The following ARHGAP15 variants were observed in gnomAD, a reference collection of about 807,000 sequenced individuals.
The protein encoded by ARHGAP15 is rho GTPase-activating protein 15.
In ARHGAP15, 51 loss-of-function variants were observed where a neutral mutation model predicts 63.7. The ratio of observed to expected loss-of-function variants is 0.80; its 90% CI spans 0.64 to 1.01. The LOEUF is 1.01. Among genes scored for constraint, ARHGAP15 ranks in the 50% least tolerant of loss-of-function variants. The pLI is 0.00. For missense variants in ARHGAP15, 560 were observed against 564.6 expected (o/e 0.99, Z 0.08); for synonymous variants, 191 against 193.8 (o/e 0.99, Z 0.12).
chr2:143,572,345 G>A (rs1696495273), intron 11 of ARHGAP15, among the ~76,000 whole-genome samples: 1 of 152,028 alleles, frequency 6.6e-6, no homozygotes, highest in Non-Finnish European at 1.5e-5. Flanking sequence ...GTAAGACACT[G>A]AGTCTTACTG....
chr2:143,133,106 G>A (rs1688977579), intron 1 of ARHGAP15, among the ~76,000 whole-genome samples: 1 of 152,186 alleles, frequency 6.6e-6, no homozygotes, highest in Admixed American at 6.5e-5. Context: ...AGAGAATTTT[G>A]TAAGTGTTGT....
chr2:143,473,108 A>G (rs1424802216), intron 8 of ARHGAP15, among the ~76,000 whole-genome samples: 2 of 152,120 alleles, frequency 1.3e-5, no homozygotes, highest in Non-Finnish European at 2.9e-5. Context: ...CATTCCAACA[A>G]CATTTTATTT....
intron 3 of ARHGAP15, among the ~76,000 whole-genome samples, chr2:143,206,540 G>T (rs1350874284): frequency 6.6e-6 from 1 of 151,990 alleles, no homozygotes; most frequent in Non-Finnish European, 1.5e-5. Context: ...GAATTAGATA[G>T]CCCTTCTTTG....
chr2:143,463,822 A>G (rs895692736), intron 8 of ARHGAP15, among the ~76,000 whole-genome samples: 2 of 152,200 alleles, frequency 1.3e-5, no homozygotes, highest in African/African-American at 2.4e-5. Context: ...TTGGTGTGTG[A>G]TTGAATGACT....
At chr2:143,215,259 C>T (rs1251015853) in intron 3 of ARHGAP15, among the ~76,000 whole-genome samples, 1 of 150,814 alleles carries the variant, frequency 6.6e-6, no homozygotes, top group Non-Finnish European at 1.5e-5. Flanking sequence ...AAGACGTGCA[C>T]ATTAAAATTT....
At chr2:143,328,733 TA>T (rs576639223) in intron 6 of ARHGAP15, among the ~76,000 whole-genome samples, 1 of 151,672 alleles carries the variant, frequency 6.6e-6, no homozygotes, top group African/African-American at 2.4e-5. Flanking sequence ...TAAAGTATAA[TA>T]AAAAAATAGG....
chr2:143,458,351 C>T lies in ARHGAP15; in HGVS notation c.703+21309C>T, dbSNP rs78211864. On this transcript the variant is annotated intron_variant, in intron 8 of 13. Transcript: ENST00000295095. ...CCGCTGTGTCTGCAGCTATAGTGAA[C>T]GGCATCAGGATGGTCTGAAGGCACT... Among the ~76,000 whole-genome samples, 435 of 152,230 alleles carry T rather than the reference C, an allele frequency of 2.9e-3. 2 individuals carry two copies. Among genetic ancestry groups the T allele is most frequent in the African/African-American group, 1.0e-2 (414 of 41,544 alleles).
At chr2:143,562,001 C>G (rs563683297) in intron 11 of ARHGAP15, among the ~76,000 whole-genome samples, 1 of 152,074 alleles carries the variant, frequency 6.6e-6, no homozygotes, top group South Asian at 2.1e-4. Flanking sequence ...AATTTATGGT[C>G]TCGTAGATAT....
intron 8 of ARHGAP15, among the ~76,000 whole-genome samples, chr2:143,462,188 T>A (rs1268542350): frequency 2.6e-5 from 4 of 152,076 alleles, no homozygotes; most frequent in African/African-American, 4.8e-5. Flanking sequence ...TATTACCAGG[T>A]GCACATGATA....
At chr2:143,156,138 G>A (rs1023445134) in intron 2 of ARHGAP15, among the ~76,000 whole-genome samples, 3 of 151,846 alleles carry the variant, frequency 2.0e-5, no homozygotes, top group Non-Finnish European at 4.4e-5. Flanking sequence ...TGGGCTTAAA[G>A]GATTGAAATG....
intron 6 of ARHGAP15, among the ~76,000 whole-genome samples, chr2:143,331,960 TTC>T (rs1402890646): frequency 6.6e-6 from 1 of 152,122 alleles, no homozygotes; most frequent in Non-Finnish European, 1.5e-5. Flanking sequence ...ATTTCTAGAG[TTC>T]TTTCTGTGCC....
At chr2:143,215,301 T>A (rs1309600683) in intron 3 of ARHGAP15, among the ~76,000 whole-genome samples, 1 of 152,164 alleles carries the variant, frequency 6.6e-6, no homozygotes, top group Non-Finnish European at 1.5e-5. Context: ...GATGGGGTTC[T>A]TGCTATTCTG....
At chr2:143,538,166 T>G (rs1272486135) in intron 10 of ARHGAP15, among the ~76,000 whole-genome samples, 3 of 152,194 alleles carry the variant, frequency 2.0e-5, no homozygotes, top group Non-Finnish European at 4.4e-5. Context: ...TCACTCATGA[T>G]TTGGCTCTCT....
chr2:143,308,218 A>G (rs1683266797), intron 6 of ARHGAP15, among the ~76,000 whole-genome samples: 1 of 152,050 alleles, frequency 6.6e-6, no homozygotes, highest in Non-Finnish European at 1.5e-5. Flanking sequence ...CCATAAATAG[A>G]CTTAAATCAT....
At chr2:143,202,926 A>G (rs1019340949) in intron 3 of ARHGAP15, among the ~76,000 whole-genome samples, 2 of 152,126 alleles carry the variant, frequency 1.3e-5, no homozygotes, top group African/African-American at 2.4e-5. Context: ...TATTATATAT[A>G]TCTTAAAAAC....
chr2:143,331,428 A>AGACTGTCCACTTT (rs1684542444), intron 6 of ARHGAP15, among the ~76,000 whole-genome samples: 2 of 152,148 alleles, frequency 1.3e-5, no homozygotes, highest in South Asian at 4.1e-4. Context: ...CTCCTTTACT[A>AGACTGTCCACTTT]GACTGTCCAC....
intron 4 of ARHGAP15, among the ~76,000 whole-genome samples, chr2:143,225,934 T>G (rs1693196728): frequency 6.6e-6 from 1 of 152,242 alleles, no homozygotes; most frequent in Non-Finnish European, 1.5e-5. Flanking sequence ...AGCATTATTA[T>G]TCTTCGTTTT....
rs937349958 is a variant in ARHGAP15 at position 143,353,548 on chromosome 2, A to T, written c.475-82053A>T. Among the ~76,000 whole-genome samples, 3 of 152,082 alleles carry T rather than the reference A, an allele frequency of 2.0e-5. No homozygotes were observed. The South Asian group carries it at 6.2e-4, about 32-fold the overall frequency. On this transcript the variant is annotated intron_variant, in intron 6 of 13. Transcript: ENST00000295095. Reference sequence around the variant, plus strand: ...ATTTTTAATTTTTTTTAGAATCTCAAAATTTTTACTCATTCAGTTAGATAA... The same window carrying T: ...ATTTTTAATTTTTTTTAGAATCTCATAATTTTTACTCATTCAGTTAGATAA...
chr2:143,715,470 C>T (rs1684769743), intron 13 of ARHGAP15, among the ~76,000 whole-genome samples: 1 of 152,198 alleles, frequency 6.6e-6, no homozygotes, highest in Non-Finnish European at 1.5e-5. Flanking sequence ...CAAGTTCTTC[C>T]TCTCAAGTTT....
Sources: gnomAD v4.1 joint callset for allele counts (sites outside exome capture counted in the v4.1 genomes callset) on GRCh38, gnomAD v4.1.1 for gene constraint, MANE v1.5 for transcripts, NCBI Gene and HGNC (gene_info 2026-07-23, HGNC 2026-07-21) for gene names.